ZNF532: variants seen among roughly 807,000 people sequenced by gnomAD.
ZNF532 encodes the protein zinc finger protein 532.
A neutral mutation model predicts 89.3 loss-of-function variants in ZNF532; 22 were observed. That is an observed-to-expected ratio of 0.25 (90% confidence interval 0.18 to 0.35). The LOEUF (loss-of-function observed/expected upper bound fraction) is 0.35. Ranked by LOEUF, ZNF532 falls within the 10% of genes least tolerant of loss-of-function variation. The pLI is 1.00. For missense variants in ZNF532, 1,132 were observed against 1,643.4 expected (o/e 0.69, Z 5.38); for synonymous variants, 606 against 649.6 (o/e 0.93, Z 1.02).
At chr18:58,888,772 T>TA (rs2058563782) in intron 2 of ZNF532, among the ~76,000 whole-genome samples, 9 of 53,612 alleles carry the variant, frequency 1.7e-4, no homozygotes, top group African/African-American at 1.1e-3. Flanking sequence ...ATATATATAA[T>TA]TTATATATAT....
intron 2 of ZNF532, among the ~76,000 whole-genome samples, chr18:58,895,302 A>G (rs1602753036): frequency 6.6e-6 from 1 of 152,212 alleles, no homozygotes; most frequent in Non-Finnish European, 1.5e-5. Context: ...ATTTCCCAAA[A>G]GGGCACGTAC....
At chr18:58,952,668 A>G (rs2064330043) in intron 6 of ZNF532, among the ~76,000 whole-genome samples, 1 of 152,154 alleles carries the variant, frequency 6.6e-6, no homozygotes, top group Admixed American at 6.5e-5. Flanking sequence ...GGCCTCCTGA[A>G]GTGTTGGAAT....
chr18:58,915,894 T>C (rs938231436), intron 2 of ZNF532, among the ~76,000 whole-genome samples: 33 of 152,350 alleles, frequency 2.2e-4, no homozygotes, highest in African/African-American at 7.7e-4. Flanking sequence ...TGAAACTGTA[T>C]AAAGTCTTTT....
At chr18:58,922,409 G>A (rs1011994860) in intron 3 of ZNF532, among the ~76,000 whole-genome samples, 15 of 152,260 alleles carry the variant, frequency 9.9e-5, no homozygotes, top group African/African-American at 3.4e-4. Context: ...CAGTTCAGTG[G>A]AAATGGAAGC....
At chr18:58,899,402 G>A (rs528005707) in intron 2 of ZNF532, among the ~76,000 whole-genome samples, 23 of 152,234 alleles carry the variant, frequency 1.5e-4, no homozygotes, top group African/African-American at 5.5e-4. Context: ...CTTGGGAGAT[G>A]TTCCTGTATT....
At chr18:58,977,202 A>AAAGAC (rs1488706718) in intron 7 of ZNF532, among the ~76,000 whole-genome samples, 1 of 152,338 alleles carries the variant, frequency 6.6e-6, no homozygotes, top group South Asian at 2.1e-4. Context: ...GGTTTATTTA[A>AAAGAC]AAGACAGACA....
chr18:58,910,703 G>A (rs1241758258), intron 2 of ZNF532, among the ~76,000 whole-genome samples: 1 of 151,968 alleles, frequency 6.6e-6, no homozygotes, highest in Non-Finnish European at 1.5e-5. Context: ...TCAAACTCCT[G>A]GTCTCAAGTG....
Position 58,920,235 on chromosome 18 carries a change from A to T in ZNF532, c.1948A>T (p.Thr650Ser). ...VRIEVTCNHC[T>S]KNLVFYNKCS... is the part of the protein sequence containing the mutation. The stretch of plus-strand genomic sequence containing the variant: ...CATCGAAGTAACGTGCAACCATTGT[A>T]CAAAGAACCTCGTTTTTTACAACAA... Residue 650 changes from threonine (T) to serine (S), a missense_variant, in exon 3 of 10, where the codon ACA (threonine) becomes TCA (serine). Coordinates refer to ENST00000591808, the MANE Select transcript of ZNF532 (RefSeq NM_001375912.1). 1.2e-6 allele frequency: 2 copies of T among 1,613,992 alleles called. No homozygotes were observed. Among genetic ancestry groups the T allele is most frequent in the Non-Finnish European group, 1.7e-6 (2 of 1,179,834 alleles).
intron 7 of ZNF532, among the ~76,000 whole-genome samples, chr18:58,956,625 G>A (rs548814893): frequency 1.3e-5 from 2 of 152,188 alleles, no homozygotes; most frequent in South Asian, 2.1e-4. Flanking sequence ...ACAACCAGGC[G>A]AGCACCTTGC....
chr18:58,948,069 T>C lies in ZNF532; in HGVS notation c.2708T>C (p.Ile903Thr). The C allele has an allele frequency of 6.2e-7, 1 of 1,608,998 alleles. No individual in the cohort carries two copies. Among genetic ancestry groups the C allele is most frequent in the Non-Finnish European group, 8.5e-7 (1 of 1,178,006 alleles). Residue 903 changes from isoleucine (I) to threonine (T), a missense_variant and splice_region_variant, in exon 6 of 10, where the codon ATA becomes ACA. Physicochemically the swap from Ile to Thr is moderately conservative, Grantham distance 89 (BLOSUM62 -1). Transcript: ENST00000591808. ...HPGIKIGEPKIIYKCSMCDTV... is the reference protein window; with the variant it reads ...HPGIKIGEPKTIYKCSMCDTV... ...CTCGCTGCACTCTTCTATTTTAGAATAATATATAAGTGTTCCATGTGCGAC... is the reference window on the plus strand; with the variant it reads ...CTCGCTGCACTCTTCTATTTTAGAACAATATATAAGTGTTCCATGTGCGAC...
chr18:58,938,220 G>A lies in ZNF532; in HGVS notation c.2529-1225G>A, dbSNP rs78922134. On this transcript the variant is annotated intron_variant, in intron 4 of 9. Transcript: ENST00000591808. ...TCCTTCCCTGGGTAGCTCACATCTG[G>A]GAGCACATATGTTCAGTTGTATTAG... Among the ~76,000 whole-genome samples the A allele has an allele frequency of 1.5e-3, 226 of 152,202 alleles. 1 individual carries two copies. Among genetic ancestry groups the A allele is most frequent in the African/African-American group, 5.1e-3 (211 of 41,538 alleles).
chr18:58,869,295 C>T (rs1433426311), intron 2 of ZNF532, among the ~76,000 whole-genome samples: 2 of 152,170 alleles, frequency 1.3e-5, no homozygotes, highest in East Asian at 3.8e-4. Context: ...TCGTAGTGAA[C>T]ATTGTCTGAA....
chr18:58,924,038 G>C (rs763260857), intron 3 of ZNF532, among the ~76,000 whole-genome samples: 27 of 152,154 alleles, frequency 1.8e-4, no homozygotes, highest in Non-Finnish European at 3.7e-4. Context: ...TGTATTTTTA[G>C]TAGAGACGGG....
chr18:58,934,149 A>G (rs2062177053), intron 3 of ZNF532: 1 of 306,466 alleles, frequency 3.3e-6, no homozygotes. Flanking sequence ...CTTTGCCCTA[A>G]GCAAAATGCA....
chr18:58,922,611 T>C (rs776851555), intron 3 of ZNF532, among the ~76,000 whole-genome samples: 1 of 152,222 alleles, frequency 6.6e-6, no homozygotes, highest in South Asian at 2.1e-4. Flanking sequence ...TTGACACCGC[T>C]TCATCAAAGG....
chr18:58,986,067 A>G lies in ZNF532; in HGVS notation c.*1601A>G, dbSNP rs1377902977. The G allele has an allele frequency of 1.3e-5, 2 of 152,624 alleles. No individual in the cohort carries two copies. Among genetic ancestry groups the G allele is most frequent in the Non-Finnish European group, 2.9e-5 (2 of 68,038 alleles). The allele number at this position is 152,624 out of a possible 1,614,324, so 9.5% of individuals were successfully genotyped here. On this transcript the variant is annotated 3_prime_UTR_variant, in exon 10 of 10. Transcript: ENST00000591808. ...TGCAGAATTCTTCCCACTCAGAAGA[A>G]TGGCATATTCGTTCTCATTAGTAAT... is the stretch of plus-strand genomic sequence containing the variant.
chr18:58,918,888 G>A lies in ZNF532; in HGVS notation c.601G>A (p.Val201Ile). ...AGGCAATGTGGAGAAAAACAAAGCT[G>A]TTAAGAGAGAAACAGAAGCCAGTTC... The part of the protein sequence containing the change: ...TSGNVEKNKA[V>I]KRETEASSIN... Residue 201 changes from valine to isoleucine, a missense_variant, in exon 3 of 10, where the codon GTT becomes ATT. By Grantham distance (29) the Val-to-Ile change is conservative (BLOSUM62 3). Coordinates refer to ENST00000591808, the MANE Select transcript of ZNF532 (RefSeq NM_001375912.1). 1 of 1,614,114 alleles carries A rather than the reference G, an allele frequency of 6.2e-7. No individual in the cohort carries two copies. Among genetic ancestry groups the A allele is most frequent in the Non-Finnish European group, 8.5e-7 (1 of 1,180,036 alleles).
At chr18:58,934,358 G>T (rs1397854882) in intron 3 of ZNF532, 75 bp from the exon 4 acceptor site, 1 of 1,371,098 alleles carries the variant, frequency 7.3e-7, no homozygotes, top group Non-Finnish European at 1.0e-6. Context: ...ATTATCTGGA[G>T]GTTTAACCAA....
At chr18:58,879,061 C>T (rs1053202100) in intron 2 of ZNF532, among the ~76,000 whole-genome samples, 3 of 152,228 alleles carry the variant, frequency 2.0e-5, no homozygotes, top group African/African-American at 7.2e-5. Flanking sequence ...GTCTAATCAG[C>T]TGTGGAGGGC....
Sources: allele counts gnomAD v4.1 joint callset (sites outside exome capture counted in the v4.1 genomes callset), GRCh38; gene constraint gnomAD v4.1.1; transcripts MANE v1.5; gene names NCBI Gene and HGNC (gene_info 2026-07-23, HGNC 2026-07-21).